Variants in SNU13 observed in about 807,000 individuals in gnomAD.
The protein encoded by SNU13 is small nuclear ribonucleoprotein 13.
In SNU13, 2 loss-of-function variants were observed where a neutral mutation model predicts 12.4. The observed-to-expected ratio is 0.16, with a 90% CI of 0.07 to 0.51. The LOEUF is 0.51. SNU13 is among the 20% of genes least tolerant of loss of function. SNU13 has a pLI of 0.96. For synonymous variants in SNU13, 68 were observed against 66.5 expected (o/e 1.02, Z -0.11); for missense variants, 66 against 157.8 (o/e 0.42, Z 3.12).
chr22:41,675,041 A>G lies in SNU13; in HGVS notation c.279T>C (p.Cys93=), dbSNP rs11558907. ...VRSKQALGRA[C]GVSRPVIACS... is the part of the protein sequence containing the mutation. The stretch of plus-strand genomic sequence containing the variant: ...AGGCGATGACAGGCCTGGAGACCCC[A>G]CAGGCTCTCCCCAGGGCCTGCTTGG... The change falls in exon 3 of 3, where the codon TGT becomes TGC. Residue 93 remains cysteine, a synonymous_variant. Coordinates refer to ENST00000401959, the MANE Select transcript of SNU13 (RefSeq NM_001003796.2). 1.2e-5 allele frequency: 19 copies of G among 1,613,952 alleles called. No individual in the cohort carries two copies. Among genetic ancestry groups the G allele is most frequent in the Middle Eastern group, 1.6e-4 (1 of 6,084 alleles).
Position 41,688,867 on chromosome 22 carries a change from G to A in SNU13, c.-71C>T. The A allele has an allele frequency of 3.3e-6, 5 of 1,523,350 alleles. No individual in the cohort carries two copies. The highest frequency in any genetic ancestry group is 1.4e-5 in the African/African-American group (1 of 72,842). The allele number at this position is 1,523,350 out of a possible 1,614,324, so 94.4% of individuals were successfully genotyped here. ...CGTTTCAGAAGCACTCGCGTGCACCGGAAAAACTCACAGAAGCAGCAGCGG... is the reference window on the plus strand; with the variant it reads ...CGTTTCAGAAGCACTCGCGTGCACCAGAAAAACTCACAGAAGCAGCAGCGG... On this transcript the variant is annotated 5_prime_UTR_variant, in exon 1 of 3. Coordinates refer to ENST00000401959, the MANE Select transcript of SNU13 (RefSeq NM_001003796.2).
intron 1 of SNU13, among the ~76,000 whole-genome samples, chr22:41,684,743 C>T (rs2068296442): frequency 6.6e-6 from 1 of 152,222 alleles, no homozygotes; most frequent in Non-Finnish European, 1.5e-5. Context: ...GCTGCAGTGG[C>T]TCAGGCCTAT....
Position 41,674,886 on chromosome 22 carries a change from A to AC in SNU13, c.*46dup. On this transcript the variant is annotated 3_prime_UTR_variant, in exon 3 of 3. Coordinates refer to ENST00000401959, the MANE Select transcript of SNU13 (RefSeq NM_001003796.2). Reference sequence around the variant, plus strand: ...GCTAACACAGATAATATGATACACAACCTCAGGGGGGAAGCTGGCAGGGAG... The same window carrying AC: ...GCTAACACAGATAATATGATACACAACCCTCAGGGGGGAAGCTGGCAGGGAG... 6.3e-7 allele frequency: 1 copy of AC among 1,596,974 alleles called. No homozygotes were observed. Among genetic ancestry groups the AC allele is most frequent in the Non-Finnish European group, 8.6e-7 (1 of 1,168,986 alleles).
intron 1 of SNU13, among the ~76,000 whole-genome samples, chr22:41,683,160 C>A (rs1485573104): frequency 2.0e-5 from 3 of 152,136 alleles, no homozygotes; most frequent in African/African-American, 7.2e-5. Context: ...CCACGCCCGG[C>A]TAATTTTTCT....
intron 2 of SNU13, among the ~76,000 whole-genome samples, chr22:41,678,103 G>A (rs2068229866): frequency 6.6e-6 from 1 of 151,864 alleles, no homozygotes; most frequent in Non-Finnish European, 1.5e-5. Context: ...AGCCTCCTGA[G>A]CAGCTGGGAC....
At chr22:41,676,012 G>A (rs1262282354) in intron 2 of SNU13, among the ~76,000 whole-genome samples, 2 of 152,044 alleles carry the variant, frequency 1.3e-5, no homozygotes, top group East Asian at 1.9e-4. Flanking sequence ...TTACAGGCAT[G>A]AGCCACCACG....
intron 1 of SNU13, among the ~76,000 whole-genome samples, chr22:41,683,665 A>T (rs186316794): frequency 3.9e-5 from 6 of 152,362 alleles, no homozygotes; most frequent in Admixed American, 3.3e-4. Context: ...AGTGGGATTA[A>T]CGAGTCAAAA....
intron 1 of SNU13, among the ~76,000 whole-genome samples, 172 bp from the exon 2 acceptor site, chr22:41,680,536 A>G (rs942509103): frequency 3.3e-5 from 5 of 152,214 alleles, no homozygotes; most frequent in Admixed American, 6.6e-5. Context: ...TACCTTCGAA[A>G]AAAAGGAAAT....
intron 1 of SNU13, among the ~76,000 whole-genome samples, chr22:41,683,884 G>T (rs985898647): frequency 3.3e-5 from 5 of 151,960 alleles, no homozygotes; most frequent in African/African-American, 1.2e-4. Flanking sequence ...GGACACACAG[G>T]AGTTTAGGAG....
At chr22:41,682,710 T>C in intron 1 of SNU13, 1 of 492,822 alleles carries the variant, frequency 2.0e-6, no homozygotes, top group Non-Finnish European at 3.1e-6. Context: ...AGACGGAGTC[T>C]CCCTCTGTCG....
chr22:41,681,853 C>T (rs1276930172), intron 1 of SNU13, among the ~76,000 whole-genome samples: 1 of 152,136 alleles, frequency 6.6e-6, no homozygotes, highest in Non-Finnish European at 1.5e-5. Flanking sequence ...CCAGCGTGGG[C>T]GACAGAGCGA....
At chr22:41,682,438 C>A (rs978980243) in intron 1 of SNU13, 2 of 1,610,304 alleles carry the variant, frequency 1.2e-6, no homozygotes, top group Admixed American at 3.3e-5. Flanking sequence ...TGCCCAGCAC[C>A]GCAAGGACAC....
intron 2 of SNU13, among the ~76,000 whole-genome samples, chr22:41,675,570 T>C (rs996903218): frequency 6.6e-6 from 1 of 151,418 alleles, no homozygotes; most frequent in Non-Finnish European, 1.5e-5. Flanking sequence ...TACAGGCACG[T>C]GCCACTGTGT....
chr22:41,680,157 T>C, intron 2 of SNU13, 87 bp downstream of exon 2: 2 of 1,463,548 alleles, frequency 1.4e-6, no homozygotes, highest in Admixed American at 2.1e-5. Flanking sequence ...CAGCTAGCCC[T>C]CCTCCCAAAC....
intron 2 of SNU13, among the ~76,000 whole-genome samples, chr22:41,679,206 C>T (rs1233413208): frequency 6.6e-6 from 1 of 151,796 alleles, no homozygotes; most frequent in South Asian, 2.1e-4. Flanking sequence ...GTCAGGAGTT[C>T]GAGACCAGCC....
intron 2 of SNU13, among the ~76,000 whole-genome samples, chr22:41,678,552 T>G (rs750467241): frequency 6.6e-6 from 1 of 152,190 alleles, no homozygotes; most frequent in African/African-American, 2.4e-5. Context: ...AGGACCTGTG[T>G]GCTTATCACC....
intron 2 of SNU13, among the ~76,000 whole-genome samples, chr22:41,676,120 C>G (rs1214598334): frequency 6.6e-6 from 1 of 152,132 alleles, no homozygotes; most frequent in Non-Finnish European, 1.5e-5. Flanking sequence ...CAAACCCCCA[C>G]CAGCAAGTAG....
intron 1 of SNU13, among the ~76,000 whole-genome samples, chr22:41,684,854 T>G (rs545310088): frequency 6.6e-6 from 1 of 152,078 alleles, no homozygotes; most frequent in East Asian, 1.9e-4. Flanking sequence ...TAAAAATATT[T>G]AAAAACTTAG....
upstream of SNU13, chr22:41,689,331 C>G (rs970341614): frequency 7.3e-6 from 1 of 136,456 alleles, no homozygotes; most frequent in African/African-American, 2.9e-5. Flanking sequence ...CCACTGCACT[C>G]TAGCACTCCA....
Sources: gnomAD v4.1 joint callset for allele counts (sites outside exome capture counted in the v4.1 genomes callset) on GRCh38, gnomAD v4.1.1 for gene constraint, MANE v1.5 for transcripts, NCBI Gene and HGNC (gene_info 2026-07-23, HGNC 2026-07-21) for gene names.